Variants in NRCAM observed in about 807,000 individuals in gnomAD.
The protein encoded by NRCAM is NgCAM-related cell adhesion molecule.
In NRCAM, 83 loss-of-function variants were observed where a neutral mutation model predicts 156.5. That is an observed-to-expected ratio of 0.53 (90% CI 0.44 to 0.64). The LOEUF (loss-of-function observed/expected upper bound fraction) is 0.64. Ranked by LOEUF, NRCAM falls within the 30% of genes least tolerant of loss-of-function variation. The pLI is 0.00. For synonymous variants in NRCAM, 538 were observed against 563.9 expected (o/e 0.95, Z 0.65); for missense variants, 1,417 against 1,597.3 (o/e 0.89, Z 1.92).
intron 1 of NRCAM, among the ~76,000 whole-genome samples, chr7:108,439,325 T>C (rs1835828737): frequency 6.6e-6 from 1 of 152,186 alleles, no homozygotes; most frequent in African/African-American, 2.4e-5. Context: ...GAGAAACATA[T>C]TCACAAGCCA....
intron 24 of NRCAM, among the ~76,000 whole-genome samples, chr7:108,180,952 C>A (rs2063118289): frequency 6.6e-6 from 1 of 152,182 alleles, no homozygotes; most frequent in African/African-American, 2.4e-5. Flanking sequence ...TCAAGAGCCA[C>A]AGGGGATCCT....
intron 2 of NRCAM, among the ~76,000 whole-genome samples, chr7:108,379,967 T>C (rs1029796103): frequency 2.0e-5 from 3 of 152,146 alleles, no homozygotes; most frequent in African/African-American, 2.4e-5. Flanking sequence ...TTTTCTGTAA[T>C]TGATGAAAGA....
At chr7:108,244,563 C>T (rs1589760244) in intron 3 of NRCAM, among the ~76,000 whole-genome samples, 1 of 152,274 alleles carries the variant, frequency 6.6e-6, no homozygotes, top group Middle Eastern at 3.4e-3. Flanking sequence ...ACAATGACGA[C>T]TAATAATTAA....
At chr7:108,163,426 T>C (rs192824236) in intron 30 of NRCAM, among the ~76,000 whole-genome samples, 1 of 152,168 alleles carries the variant, frequency 6.6e-6, no homozygotes, top group African/African-American at 2.4e-5. Context: ...GTGAGGGAAA[T>C]GGTTATTTGT....
intron 1 of NRCAM, among the ~76,000 whole-genome samples, chr7:108,452,517 A>G (rs1434444344): frequency 1.8e-4 from 27 of 152,096 alleles, no homozygotes. Flanking sequence ...AAGTCACTGG[A>G]TTTTTGCCCT....
intron 3 of NRCAM, among the ~76,000 whole-genome samples, chr7:108,253,589 T>C (rs1404861483): frequency 2.6e-5 from 4 of 152,248 alleles, no homozygotes; most frequent in Admixed American, 2.6e-4. Flanking sequence ...GTTTTGTTTT[T>C]ATGCTAATAT....
chr7:108,284,669 T>C (rs777178344), intron 3 of NRCAM, among the ~76,000 whole-genome samples: 47 of 152,200 alleles, frequency 3.1e-4, no homozygotes, highest in Non-Finnish European at 4.3e-4. Flanking sequence ...GAGACAGATG[T>C]TCTTCCTCTG....
At chr7:108,369,998 C>T (rs55920997) in intron 2 of NRCAM, among the ~76,000 whole-genome samples, 10 of 152,136 alleles carry the variant, frequency 6.6e-5, no homozygotes, top group South Asian at 2.1e-4. Flanking sequence ...CAAACTATTA[C>T]GATTAAAAGA....
intron 1 of NRCAM, among the ~76,000 whole-genome samples, chr7:108,424,843 T>C (rs1815014922): frequency 6.6e-6 from 1 of 152,200 alleles, no homozygotes; most frequent in South Asian, 2.1e-4. Context: ...ATAGAATATA[T>C]ATGAAATATA....
At chr7:108,383,130 ACACG>A (rs2099709022) in intron 2 of NRCAM, among the ~76,000 whole-genome samples, 3 of 108,560 alleles carry the variant, frequency 2.8e-5, no homozygotes, top group South Asian at 9.8e-4. Context: ...ACACACACAC[ACACG>A]CTCTCACACA....
chr7:108,213,924 C>G (rs1588526833), intron 11 of NRCAM, among the ~76,000 whole-genome samples: 2 of 152,142 alleles, frequency 1.3e-5, no homozygotes, highest in African/African-American at 2.4e-5. Context: ...GTTGAACCAG[C>G]CTTGCATCCC....
At chr7:108,167,935 A>C (rs930922425) in intron 29 of NRCAM, among the ~76,000 whole-genome samples, 1 of 152,140 alleles carries the variant, frequency 6.6e-6, no homozygotes, top group African/African-American at 2.4e-5. Flanking sequence ...TGAAAAAAAA[A>C]CCTTTTCTTC....
At chr7:108,338,377 A>T (rs377337850) in intron 2 of NRCAM, among the ~76,000 whole-genome samples, 1 of 152,260 alleles carries the variant, frequency 6.6e-6, no homozygotes, top group Admixed American at 6.5e-5. Flanking sequence ...CCAAAGGGAT[A>T]TAAGGAAGCT....
chr7:108,328,780 A>G (rs935842629), intron 2 of NRCAM: 3 of 152,254 alleles, frequency 2.0e-5, no homozygotes, highest in Non-Finnish European at 4.4e-5. Context: ...AGTAACTGCC[A>G]TATTTTCACC....
At chr7:108,303,425 T>C (rs1237726656) in intron 3 of NRCAM, among the ~76,000 whole-genome samples, 3 of 152,162 alleles carry the variant, frequency 2.0e-5, no homozygotes, top group Non-Finnish European at 2.9e-5. Flanking sequence ...CCAAGCTCTA[T>C]TGCTTCTTAT....
chr7:108,273,631 T>A lies in NRCAM; in HGVS notation c.-106-33461A>T, dbSNP rs567208266. On this transcript the variant is annotated intron_variant, in intron 3 of 32. Coordinates refer to ENST00000379028, the MANE Select transcript of NRCAM (RefSeq NM_001037132.4). ...AAATTTGTTTAAGATCTTTGTAGAT[T>A]CTGGATATTAGCCCTTTGTCAGATG... is the stretch of plus-strand genomic sequence containing the variant. Among the ~76,000 whole-genome samples the A allele has an allele frequency of 9.8e-5, 15 of 152,362 alleles. No homozygotes were observed. The South Asian group carries it at 3.1e-3, about 32-fold the overall frequency.
At chr7:108,246,020 C>T (rs1324707756) in intron 3 of NRCAM, among the ~76,000 whole-genome samples, 4 of 152,190 alleles carry the variant, frequency 2.6e-5, no homozygotes, top group Non-Finnish European at 4.4e-5. Flanking sequence ...CCACACTTTC[C>T]AGGCTTGTCC....
chr7:108,379,510 A>G (rs903178045), intron 2 of NRCAM, among the ~76,000 whole-genome samples: 1 of 152,164 alleles, frequency 6.6e-6, no homozygotes, highest in African/African-American at 2.4e-5. Context: ...CGGTGCTGCC[A>G]AATGAAGAGT....
chr7:108,161,895 A>G (rs970334330), intron 30 of NRCAM, among the ~76,000 whole-genome samples: 9 of 147,614 alleles, frequency 6.1e-5, no homozygotes, highest in African/African-American at 2.1e-4. Flanking sequence ...GCCTTATTAG[A>G]GAAGTTTTGA....
Sources: allele counts gnomAD v4.1 joint callset (sites outside exome capture counted in the v4.1 genomes callset), GRCh38; gene constraint gnomAD v4.1.1; transcripts MANE v1.5; gene names NCBI Gene and HGNC (gene_info 2026-07-23, HGNC 2026-07-21).